PI4KA: variants seen among roughly 807,000 people sequenced by gnomAD.
PI4KA encodes the protein phosphatidylinositol 4-kinase alpha.
Under a neutral mutation model 271.4 loss-of-function variants are expected in PI4KA, and 122 were observed. That is an observed-to-expected ratio of 0.45 (90% CI 0.39 to 0.52). PI4KA has a LOEUF of 0.52. PI4KA is among the 20% of genes least tolerant of loss of function. The pLI, the probability that PI4KA is intolerant of heterozygous loss-of-function variation, is 0.00. For missense variants in PI4KA, 1,969 were observed against 2,769.1 expected, an observed-to-expected ratio of 0.71 and a Z score of 6.48; for synonymous variants, 1,041 against 1,078.8, an observed-to-expected ratio of 0.96 and a Z score of 0.69.
intron 2 of PI4KA, among the ~76,000 whole-genome samples, chr22:20,836,691 G>A (rs1349216638): frequency 6.6e-6 from 1 of 152,116 alleles, no homozygotes; most frequent in African/African-American, 2.4e-5. Flanking sequence ...TGGTCCCTAG[G>A]GCTTTCTCAG....
intron 14 of PI4KA, 107 bp from the exon 15 acceptor site, chr22:20,799,873 G>T: frequency 1.5e-6 from 1 of 646,694 alleles, no homozygotes; most frequent in South Asian, 2.0e-5. Flanking sequence ...GAACTGCTCT[G>T]AATTTTCTTC....
intron 23 of PI4KA, among the ~76,000 whole-genome samples, chr22:20,758,778 G>A (rs887414092): frequency 4.6e-5 from 7 of 152,140 alleles, no homozygotes; most frequent in Non-Finnish European, 1.0e-4. Flanking sequence ...CCCTCTGGAA[G>A]AGGCTTCTCT....
chr22:20,729,259 C>G (rs978840642), intron 39 of PI4KA, 54 bp downstream of exon 39: 73 of 1,515,538 alleles, frequency 4.8e-5, no homozygotes, highest in Middle Eastern at 3.5e-4. Flanking sequence ...GGCAAGCACC[C>G]TGCGCTGGAC....
chr22:20,710,027 T>A (rs761613765), intron 52 of PI4KA, 30 bp from the exon 53 acceptor site: 51 of 1,449,896 alleles, frequency 3.5e-5, no homozygotes, highest in South Asian at 8.0e-5. Flanking sequence ...AGCGGTGGGC[T>A]GAGGCCAGCC....
chr22:20,770,646 GACAC>G (rs1329892644), intron 19 of PI4KA, among the ~76,000 whole-genome samples: 1 of 143,740 alleles, frequency 7.0e-6, no homozygotes, highest in African/African-American at 2.6e-5. Context: ...TGGACACAGA[GACAC>G]ACACAGTGAC....
At chr22:20,747,381 A>G (rs1050441928) in intron 29 of PI4KA, 2 of 464,774 alleles carry the variant, frequency 4.3e-6, no homozygotes, top group South Asian at 4.7e-5. Flanking sequence ...AAAAAGCACA[A>G]TAAGGAAACA....
chr22:20,742,365 AAC>A lies in PI4KA; in HGVS notation c.3614-12_3614-11del. 4.3e-6 allele frequency: 7 copies of A among 1,612,912 alleles called. No homozygotes were observed. The highest frequency in any genetic ancestry group is 5.9e-6 in the Non-Finnish European group (7 of 1,179,302). On this transcript the variant is annotated splice_polypyrimidine_tract_variant and intron_variant, in intron 31 of 54. Coordinates refer to ENST00000255882, the MANE Select transcript of PI4KA (RefSeq NM_058004.4). ...AGCTGCGGGTCACAATCTGGAACCAAACACACGTCAGTCAGAGGCCTCCAACA... is the reference window on the plus strand; with the variant it reads ...AGCTGCGGGTCACAATCTGGAACCAAACACGTCAGTCAGAGGCCTCCAACA...
intron 19 of PI4KA, among the ~76,000 whole-genome samples, chr22:20,767,479 G>A (rs1045301644): frequency 1.3e-5 from 2 of 150,516 alleles, no homozygotes; most frequent in Admixed American, 1.3e-4. Context: ...AATTATTTTT[G>A]AGATAGGGTC....
At chr22:20,772,604 C>T (rs1344611059) in intron 19 of PI4KA, among the ~76,000 whole-genome samples, 1 of 152,206 alleles carries the variant, frequency 6.6e-6, no homozygotes, top group Non-Finnish European at 1.5e-5. Flanking sequence ...AATGCACAGA[C>T]ACCCCCATGG....
intron 32 of PI4KA, among the ~76,000 whole-genome samples, chr22:20,740,061 C>CAAAAAA (rs59323542): frequency 3.4e-4 from 25 of 73,328 alleles, no homozygotes; most frequent in East Asian, 8.6e-4. Context: ...GACCCCATCT[C>CAAAAAA]AAAAAAAAAA....
intron 19 of PI4KA, chr22:20,780,136 A>G: frequency 6.2e-7 from 1 of 1,614,210 alleles, no homozygotes; most frequent in Non-Finnish European, 8.5e-7. Flanking sequence ...GGCCTCATAA[A>G]AGATGCTCTG....
chr22:20,813,557 T>C, intron 7 of PI4KA, 51 bp from the exon 8 acceptor site: 1 of 1,578,742 alleles, frequency 6.3e-7, no homozygotes, highest in African/African-American at 1.4e-5. Context: ...GCAACTAGGG[T>C]ACTTCCTCAA....
At chr22:20,802,161 T>A in intron 13 of PI4KA, 56 bp from the exon 14 acceptor site, 1 of 1,516,378 alleles carries the variant, frequency 6.6e-7, no homozygotes, top group Non-Finnish European at 9.1e-7. Context: ...TTCCATCACC[T>A]TCTTTGTAAT....
At chr22:20,784,328 A>T in intron 19 of PI4KA, 31 of 1,574,086 alleles carry the variant, frequency 2.0e-5, no homozygotes, top group Non-Finnish European at 2.7e-5. Flanking sequence ...TCATTTTTTT[A>T]AAAAGGGAGA....
intron 37 of PI4KA, 83 bp downstream of exon 37, chr22:20,729,809 G>A (rs1927798837): frequency 6.3e-7 from 1 of 1,590,588 alleles, no homozygotes; most frequent in Non-Finnish European, 8.6e-7. Context: ...CTGTTCTGCT[G>A]TCTGAGCAAG....
chr22:20,849,432 G>C (rs1468608437), intron 1 of PI4KA, among the ~76,000 whole-genome samples: 1 of 152,292 alleles, frequency 6.6e-6, no homozygotes, highest in East Asian at 1.9e-4. Flanking sequence ...TCAAAATGTA[G>C]AAACAATCCA....
At chr22:20,742,156 G>C (rs573533770) in intron 32 of PI4KA, 72 bp downstream of exon 32, 2 of 1,509,658 alleles carry the variant, frequency 1.3e-6, no homozygotes, top group African/African-American at 1.4e-5. Context: ...TGGTGGTGGC[G>C]GCACCAGGGA....
rs1925534307 is a variant in PI4KA, at chr22:20,713,149, G to A, written c.5571+132C>T. ...TTTTGCAGAAGCCCTAATTTACCCC[G>A]TGGCACCTGAACCATATAAGAGAAG... is the stretch of plus-strand genomic sequence containing the variant. On this transcript the variant is annotated intron_variant, in intron 48 of 54. Transcript: ENST00000255882. 38 of 764,346 alleles carry A rather than the reference G, an allele frequency of 5.0e-5. 1 individual carries two copies. The South Asian group carries it at 5.1e-4, about 10-fold the overall frequency. The allele number at this position is 764,346 out of a possible 1,614,324, so 47.3% of individuals were successfully genotyped here.
chr22:20,713,061 C>T, intron 48 of PI4KA: 2 of 658,790 alleles, frequency 3.0e-6, no homozygotes, highest in Non-Finnish European at 5.3e-6. Context: ...TGGACAGTTC[C>T]CTCAGGTGGG....
Sources: gnomAD v4.1 joint callset for allele counts (sites outside exome capture counted in the v4.1 genomes callset) on GRCh38, gnomAD v4.1.1 for gene constraint, MANE v1.5 for transcripts, NCBI Gene and HGNC (gene_info 2026-07-23, HGNC 2026-07-21) for gene names.